Variants in LIMCH1 observed in about 807,000 individuals in gnomAD.
LIMCH1 encodes LIM and calponin homology domains 1.
Under a neutral mutation model 176.5 loss-of-function variants are expected in LIMCH1, and 113 were observed. The ratio of observed to expected loss-of-function variants is 0.64; its 90% CI spans 0.55 to 0.75. The LOEUF (loss-of-function observed/expected upper bound fraction) is 0.75. Among genes scored for constraint, LIMCH1 ranks in the 30% least tolerant of loss-of-function variants. The probability of loss-of-function intolerance (pLI) is 0.00; values close to 1 mark genes in which losing one functional copy is unlikely to be tolerated. For synonymous variants in LIMCH1, 619 were observed against 645.9 expected (o/e 0.96, Z 0.63); for missense variants, 1,674 against 1,814.9 (o/e 0.92, Z 1.41).
intron 3 of LIMCH1, among the ~76,000 whole-genome samples, chr4:41,525,798 C>G (rs2076582823): frequency 6.6e-6 from 1 of 152,018 alleles, no homozygotes; most frequent in Admixed American, 6.6e-5. Context: ...TTCACCTCTT[C>G]CAAATGTTAA....
intron 2 of LIMCH1, among the ~76,000 whole-genome samples, chr4:41,523,371 T>C (rs1451190783): frequency 2.0e-5 from 3 of 152,188 alleles, no homozygotes; most frequent in Non-Finnish European, 2.9e-5. Context: ...AGACAATATG[T>C]AAATGAATGA....
chr4:41,547,380 T>C (rs1452850930), intron 1 of LIMCH1, among the ~76,000 whole-genome samples: 1 of 152,046 alleles, frequency 6.6e-6, no homozygotes, highest in Non-Finnish European at 1.5e-5. Flanking sequence ...TTGGCTTTTT[T>C]AGATTCCAAG....
At chr4:41,598,432 C>G (rs1289563791) in intron 1 of LIMCH1, among the ~76,000 whole-genome samples, 3 of 151,084 alleles carry the variant, frequency 2.0e-5, no homozygotes, top group African/African-American at 7.3e-5. Flanking sequence ...AGAGGTATTA[C>G]TAGTCAAAAT....
intron 2 of LIMCH1, among the ~76,000 whole-genome samples, chr4:41,515,447 G>T (rs909628688): frequency 2.6e-5 from 4 of 152,234 alleles, no homozygotes; most frequent in African/African-American, 9.7e-5. Flanking sequence ...CTCAGGAGGA[G>T]AAGTGAGCCA....
chr4:41,581,774 C>G (rs979676218), intron 1 of LIMCH1, among the ~76,000 whole-genome samples: 13 of 140,434 alleles, frequency 9.3e-5, no homozygotes, highest in African/African-American at 3.5e-4. Flanking sequence ...CCACTGCACT[C>G]CAGCCTGGGC....
intron 18 of LIMCH1, among the ~76,000 whole-genome samples, chr4:41,651,601 G>A (rs377296514): frequency 3.9e-5 from 6 of 152,084 alleles, no homozygotes; most frequent in African/African-American, 1.4e-4. Flanking sequence ...TTCCCCCCCT[G>A]TTTATTTAGG....
chr4:41,432,303 G>A (rs2061675062), intron 1 of LIMCH1, among the ~76,000 whole-genome samples: 1 of 152,162 alleles, frequency 6.6e-6, no homozygotes, highest in Non-Finnish European at 1.5e-5. Context: ...TTCTTTTCTG[G>A]ATGACTTTAA....
In LIMCH1 at chr4:41,545,597, C is replaced by G. The variant is rs537150869; in HGVS notation, c.-241+7247C>G. 3.3e-5 allele frequency among the ~76,000 whole-genome samples: 5 copies of G among 152,288 alleles called. No homozygotes were observed. In the East Asian group the frequency reaches 9.7e-4, roughly 29 times the overall value. ...CTTTTACATCCTCCCCCCAAACAGG[C>G]TCCTTTACTCATTCCTGAAAGGACA... On this transcript the variant is annotated intron_variant, in intron 1 of 31. Coordinates refer to ENST00000503057, the MANE Select transcript of LIMCH1 (RefSeq NM_001330672.2).
chr4:41,674,307 A>G (rs2153023419), intron 22 of LIMCH1, among the ~76,000 whole-genome samples: 1 of 152,154 alleles, frequency 6.6e-6, no homozygotes, highest in African/African-American at 2.4e-5. Flanking sequence ...CTACTATTGG[A>G]GTTTCCTCAG....
In LIMCH1 at chr4:41,510,733, C is replaced by T. The variant is rs552598989; in HGVS notation, c.168-13676C>T. On this transcript the variant is annotated intron_variant, in intron 2 of 26. Transcript: ENST00000313860. Reference sequence around the variant, plus strand: ...CCTCCCGAGTAGCTGGGATTACAGGCGTCTGCCACCATGCCTGGCTAATTT... The same window carrying T: ...CCTCCCGAGTAGCTGGGATTACAGGTGTCTGCCACCATGCCTGGCTAATTT... Among the ~76,000 whole-genome samples the T allele has an allele frequency of 2.8e-4, 42 of 152,148 alleles. 1 individual carries two copies. In the South Asian group the frequency reaches 8.1e-3, roughly 29 times the overall value.
intron 1 of LIMCH1, among the ~76,000 whole-genome samples, chr4:41,568,989 G>A (rs1173139777): frequency 6.6e-6 from 1 of 151,342 alleles, no homozygotes; most frequent in African/African-American, 2.5e-5. Flanking sequence ...ATCAAGAAAT[G>A]TCTCATATAA....
At chr4:41,603,640 C>A (rs1164557024) in intron 2 of LIMCH1, among the ~76,000 whole-genome samples, 1 of 152,132 alleles carries the variant, frequency 6.6e-6, no homozygotes, top group South Asian at 2.1e-4. Context: ...TATAAAGCAT[C>A]GTCTTTTTAT....
At chr4:41,641,109 CCCA>C (rs2093804581) in intron 14 of LIMCH1, among the ~76,000 whole-genome samples, 1 of 152,130 alleles carries the variant, frequency 6.6e-6, no homozygotes, top group African/African-American at 2.4e-5. Context: ...AAAATGCCAA[CCCA>C]CCACCAAGGG....
chr4:41,600,211 C>G lies in LIMCH1; in HGVS notation c.-134+1185C>G, dbSNP rs188664955. The stretch of plus-strand genomic sequence containing the variant: ...AAATTTTAACTAAGCGAAAAAATAA[C>G]AGAATAAAAATCAGGATATTTGAAT... On this transcript the variant is annotated intron_variant, in intron 2 of 31. Coordinates refer to ENST00000503057, the MANE Select transcript of LIMCH1 (RefSeq NM_001330672.2). Among the ~76,000 whole-genome samples the G allele has an allele frequency of 2.3e-3, 344 of 152,240 alleles. 2 individuals are homozygous for G. The highest frequency in any genetic ancestry group is 0.01 in the Middle Eastern group (3 of 294).
intron 1 of LIMCH1, among the ~76,000 whole-genome samples, chr4:41,597,834 AGAG>A (rs2089192180): frequency 6.6e-6 from 1 of 152,248 alleles, no homozygotes; most frequent in Non-Finnish European, 1.5e-5. Context: ...GCACTCAAGA[AGAG>A]GTGTGTACAT....
chr4:41,444,945 C>T (rs145443402), intron 1 of LIMCH1, among the ~76,000 whole-genome samples: 1 of 152,164 alleles, frequency 6.6e-6, no homozygotes, highest in Non-Finnish European at 1.5e-5. Context: ...CTTCTTCTAG[C>T]TCAGCATCTT....
intron 2 of LIMCH1, among the ~76,000 whole-genome samples, chr4:41,503,019 A>ATCCG (rs1318312988): frequency 5.9e-5 from 9 of 151,526 alleles, no homozygotes; most frequent in Non-Finnish European, 1.3e-4. Flanking sequence ...CCATCCATCC[A>ATCCG]TCCATCCATC....
chr4:41,503,724 A>G (rs1324920534), intron 2 of LIMCH1, among the ~76,000 whole-genome samples: 2 of 152,146 alleles, frequency 1.3e-5, no homozygotes, highest in African/African-American at 4.8e-5. Context: ...ACCAAAATCT[A>G]TAGATCACTC....
intron 1 of LIMCH1, among the ~76,000 whole-genome samples, chr4:41,448,305 G>A (rs1178511144): frequency 1.3e-5 from 2 of 152,172 alleles, no homozygotes; most frequent in African/African-American, 2.4e-5. Flanking sequence ...ACCCCAAATT[G>A]GAGAGGTCTG....
Sources: allele counts gnomAD v4.1 joint callset (sites outside exome capture counted in the v4.1 genomes callset), GRCh38; gene constraint gnomAD v4.1.1; transcripts MANE v1.5; gene names NCBI Gene and HGNC (gene_info 2026-07-23, HGNC 2026-07-21).